Variants in TMEM131L observed in about 807,000 individuals in gnomAD.
TMEM131L encodes the protein transmembrane protein 131-like.
Under a neutral mutation model 192.2 loss-of-function variants are expected in TMEM131L, and 54 were observed. That is an observed-to-expected ratio of 0.28 (90% confidence interval 0.23 to 0.35). The LOEUF (loss-of-function observed/expected upper bound fraction) is 0.35. TMEM131L is among the 10% of genes least tolerant of loss of function. The probability of loss-of-function intolerance (pLI) is 1.00; values close to 1 mark genes in which losing one functional copy is unlikely to be tolerated. For missense variants in TMEM131L, 1,888 were observed against 1,972.9 expected (o/e 0.96, Z 0.82); for synonymous variants, 701 against 704.9 (o/e 0.99, Z 0.09).
At chr4:153,488,644 C>T (rs867998543) in intron 3 of TMEM131L, among the ~76,000 whole-genome samples, 1 of 152,204 alleles carries the variant, frequency 6.6e-6, no homozygotes, top group Non-Finnish European at 1.5e-5. Context: ...AGTAGGGCAA[C>T]AGGAAGCAAC....
chr4:153,592,138 A>G (rs948179680), intron 17 of TMEM131L, among the ~76,000 whole-genome samples: 9 of 152,238 alleles, frequency 5.9e-5, no homozygotes, highest in African/African-American at 2.2e-4. Flanking sequence ...GCATATATGT[A>G]TATATACTAC....
At chr4:153,487,693 CGTGTGT>C (rs140651689) in intron 3 of TMEM131L, among the ~76,000 whole-genome samples, 40 of 142,106 alleles carry the variant, frequency 2.8e-4, no homozygotes, top group South Asian at 1.6e-3. Flanking sequence ...GCTGCACAGG[CGTGTGT>C]GTGTGTGTGT....
At chr4:153,601,557 A>G (rs942987499) in intron 21 of TMEM131L, among the ~76,000 whole-genome samples, 1 of 152,254 alleles carries the variant, frequency 6.6e-6, no homozygotes, top group Non-Finnish European at 1.5e-5. Context: ...AGAACCAGAT[A>G]AAATATTAGT....
chr4:153,525,169 A>G (rs1420557952), intron 3 of TMEM131L, among the ~76,000 whole-genome samples: 1 of 152,254 alleles, frequency 6.6e-6, no homozygotes, highest in Non-Finnish European at 1.5e-5. Context: ...CTTCTTTCCA[A>G]TGTGTTTGAG....
At position 153,572,251 on chromosome 4, in the gene TMEM131L, G is replaced by A. The variant is rs539503675; in HGVS notation, c.661-8575G>A. Among the ~76,000 whole-genome samples the A allele has an allele frequency of 2.1e-4, 32 of 152,294 alleles. No homozygotes were observed. The South Asian group carries it at 5.2e-3, about 25-fold the overall frequency. ...TCAACTGCAGTCACCCTGTAGTGCT[G>A]TAGAACACCAGAACTCATTCTGTCT... is the stretch of plus-strand genomic sequence containing the variant. On this transcript the variant is annotated intron_variant, in intron 7 of 34. Transcript: ENST00000409959.
chr4:153,547,311 A>G (rs1737257575), intron 3 of TMEM131L, among the ~76,000 whole-genome samples: 1 of 152,240 alleles, frequency 6.6e-6, no homozygotes, highest in African/African-American at 2.4e-5. Flanking sequence ...AAAAACCTCT[A>G]TCAGAATATG....
At chr4:153,580,357 TG>T (rs1730250062) in intron 7 of TMEM131L, among the ~76,000 whole-genome samples, 1 of 152,238 alleles carries the variant, frequency 6.6e-6, no homozygotes, top group African/African-American at 2.4e-5. Flanking sequence ...TTTTATTTTT[TG>T]TTTTTTTGGT....
chr4:153,473,900 A>G lies in TMEM131L; in HGVS notation c.239+12A>G. The G allele has an allele frequency of 2.6e-6, 4 of 1,542,024 alleles. No individual in the cohort carries two copies. The highest frequency in any genetic ancestry group is 3.5e-6 in the Non-Finnish European group (4 of 1,141,086). On this transcript the variant is annotated intron_variant, in intron 3 of 34. Transcript: ENST00000409959. ...TCTCAAGAACAGAGGTAAGGAAAAAATGGGGGTGGAAACCTGCATGCTGAA... is the reference window on the plus strand; with the variant it reads ...TCTCAAGAACAGAGGTAAGGAAAAAGTGGGGGTGGAAACCTGCATGCTGAA...
intron 26 of TMEM131L, among the ~76,000 whole-genome samples, chr4:153,618,177 A>G (rs570200833): frequency 2.4e-4 from 36 of 152,298 alleles, no homozygotes; most frequent in Admixed American, 4.6e-4. Context: ...CCACACTGCC[A>G]TCTGTGAAAT....
intron 7 of TMEM131L, 62 bp from the exon 8 acceptor site, chr4:153,580,761 TTTA>T: frequency 5.7e-6 from 5 of 872,466 alleles, no homozygotes; most frequent in South Asian, 2.9e-5. Context: ...TGATAAATTG[TTTA>T]TTATTAGTGT....
intron 30 of TMEM131L, among the ~76,000 whole-genome samples, chr4:153,626,833 T>C (rs1733878798): frequency 6.6e-6 from 1 of 152,246 alleles, no homozygotes; most frequent in Admixed American, 6.5e-5. Flanking sequence ...GGGAATCATT[T>C]ACCCTTTGCT....
At chr4:153,500,729 G>C (rs1733545075) in intron 3 of TMEM131L, among the ~76,000 whole-genome samples, 1 of 151,998 alleles carries the variant, frequency 6.6e-6, no homozygotes, top group Admixed American at 6.6e-5. Context: ...ATTTACATTT[G>C]GCCTTGTTAA....
At chr4:153,568,464 G>A (rs1172880119) in intron 7 of TMEM131L, among the ~76,000 whole-genome samples, 1 of 152,138 alleles carries the variant, frequency 6.6e-6, no homozygotes, top group Non-Finnish European at 1.5e-5. Flanking sequence ...GAATTGACTA[G>A]TTCCTTACTG....
chr4:153,626,482 G>A (rs1356853915), intron 30 of TMEM131L, among the ~76,000 whole-genome samples: 2 of 152,194 alleles, frequency 1.3e-5, no homozygotes, highest in African/African-American at 2.4e-5. Flanking sequence ...GAGGCCAGCC[G>A]TGGTGGTTCA....
chr4:153,556,959 C>T lies in TMEM131L; in HGVS notation c.433-7C>T. On this transcript the variant is annotated splice_polypyrimidine_tract_variant and splice_region_variant and intron_variant, in intron 5 of 34. Coordinates refer to ENST00000409959, the MANE Select transcript of TMEM131L (RefSeq NM_001131007.2). ...TCCAAGTGGCTGACTGGGGACCTTT[C>T]TTTCAGGTAATTCCAGCAATGGGGA... 6.9e-7 allele frequency: 1 copy of T among 1,445,800 alleles called. No homozygotes were observed. Among genetic ancestry groups the T allele is most frequent in the Non-Finnish European group, 9.7e-7 (1 of 1,033,584 alleles). 89.6% of individuals were successfully genotyped at this position (1,445,800 alleles called of 1,614,324 possible). A position where few individuals can be genotyped will look rare whatever the true frequency, so the allele number is the denominator to read the frequency against.
chr4:153,549,070 T>C (rs549079476), intron 3 of TMEM131L, among the ~76,000 whole-genome samples: 1 of 152,124 alleles, frequency 6.6e-6, no homozygotes, highest in Admixed American at 6.5e-5. Flanking sequence ...GCTCAAGCAA[T>C]CCTCCTGCCT....
Position 153,488,458 on chromosome 4 carries a change from G to A in TMEM131L, c.239+14570G>A, listed in dbSNP as rs555365224. On this transcript the variant is annotated intron_variant, in intron 3 of 34. Transcript: ENST00000409959. ...AGGGCAGGGCCCAGAGGAGGCAGCC[G>A]GGAACTTGGAGAGAAGGAACAAAAT... is the stretch of plus-strand genomic sequence containing the variant. Among the ~76,000 whole-genome samples, 4 of 152,246 alleles carry A rather than the reference G, an allele frequency of 2.6e-5. No homozygotes were observed. The South Asian group carries it at 6.2e-4, about 24-fold the overall frequency.
intron 7 of TMEM131L, among the ~76,000 whole-genome samples, chr4:153,565,918 T>C (rs185210959): frequency 2.0e-5 from 3 of 152,328 alleles, no homozygotes; most frequent in Non-Finnish European, 4.4e-5. Context: ...TTTTCTCCAG[T>C]AATGTATTGG....
rs904631778 is a variant in TMEM131L at position 153,545,158 on chromosome 4, A to G, written c.240-4915A>G. 2.6e-5 allele frequency among the ~76,000 whole-genome samples: 4 copies of G among 152,150 alleles called. No individual in the cohort carries two copies. In the East Asian group the frequency reaches 7.7e-4, roughly 29 times the overall value. On this transcript the variant is annotated intron_variant, in intron 3 of 34. Transcript: ENST00000409959. Reference sequence around the variant, plus strand: ...TTTTGAAGGATCTTGGAGTCATCCAATGCAGCTTGCTCATTTTGTTGAAGA... The same window carrying G: ...TTTTGAAGGATCTTGGAGTCATCCAGTGCAGCTTGCTCATTTTGTTGAAGA...
Sources: allele counts gnomAD v4.1 joint callset (sites outside exome capture counted in the v4.1 genomes callset), GRCh38; gene constraint gnomAD v4.1.1; transcripts MANE v1.5; gene names NCBI Gene and HGNC (gene_info 2026-07-23, HGNC 2026-07-21).